The following SH3D19 variants were observed in gnomAD, a reference collection of about 807,000 sequenced individuals.
The protein encoded by SH3D19 is SH3 domain containing 19.
Under a neutral mutation model 112.1 loss-of-function variants are expected in SH3D19, and 58 were observed. That is an observed-to-expected ratio of 0.52 (90% CI 0.42 to 0.64). SH3D19 has a LOEUF of 0.64. Among genes scored for constraint, SH3D19 ranks in the 30% least tolerant of loss-of-function variants. The probability of loss-of-function intolerance (pLI) is 0.00; values close to 1 mark genes in which losing one functional copy is unlikely to be tolerated. For synonymous variants in SH3D19, 391 were observed against 448.5 expected (o/e 0.87, Z 1.62); for missense variants, 1,090 against 1,263.4 (o/e 0.86, Z 2.08).
chr4:151,182,631 T>G (rs1231315087), intron 3 of SH3D19, among the ~76,000 whole-genome samples: 2 of 152,188 alleles, frequency 1.3e-5, no homozygotes, highest in Non-Finnish European at 2.9e-5. Flanking sequence ...TATGAAATCT[T>G]TCTTTTCTCT....
rs1345801073 is a variant in SH3D19, at chr4:151,128,222, T to C, written c.2877A>G (p.Arg959=). The C allele has an allele frequency of 6.2e-7, 1 of 1,613,332 alleles. No individual in the cohort carries two copies. The highest frequency in any genetic ancestry group is 2.2e-5 in the East Asian group (1 of 44,870). ...ERLDSDWCRG[R]LQDREGIFPA... is the part of the protein sequence containing the mutation. ...GGAAGATCCCCTCCCTGTCCTGCAG[T>C]CTGCCCCTGCACCAGTCAGAATCCA... The change falls in exon 18 of 20, where the codon AGA becomes AGG. Residue 959 remains arginine, a synonymous_variant. Transcript: ENST00000604030.
At chr4:151,294,973 G>A (rs1000033835) in intron 1 of SH3D19, among the ~76,000 whole-genome samples, 11 of 152,138 alleles carry the variant, frequency 7.2e-5, no homozygotes, top group African/African-American at 1.9e-4. Context: ...AGGTGCGGTC[G>A]AGTAAACAGC....
chr4:151,257,590 AATCATC>A (rs373590561), intron 1 of SH3D19, among the ~76,000 whole-genome samples: 4 of 151,780 alleles, frequency 2.6e-5, no homozygotes, highest in Non-Finnish European at 4.4e-5. Context: ...TTATGTTATT[AATCATC>A]ATCATCATCA....
intron 1 of SH3D19, among the ~76,000 whole-genome samples, chr4:151,268,039 A>C (rs1772944906): frequency 6.6e-6 from 1 of 152,210 alleles, no homozygotes; most frequent in Non-Finnish European, 1.5e-5. Flanking sequence ...GTCCTGAGAA[A>C]TGTGTCATTA....
intron 1 of SH3D19, among the ~76,000 whole-genome samples, chr4:151,271,674 C>A (rs992815751): frequency 6.6e-6 from 1 of 152,130 alleles, no homozygotes; most frequent in African/African-American, 2.4e-5. Flanking sequence ...CAACATCAAT[C>A]CAAGCCATCA....
At chr4:151,174,610 G>T in intron 7 of SH3D19, 60 bp downstream of exon 7, 1 of 1,442,454 alleles carries the variant, frequency 6.9e-7, no homozygotes. Context: ...AACAGCAAGT[G>T]CCATTTAAAA....
At chr4:151,229,471 C>T (rs773317205) in intron 1 of SH3D19, among the ~76,000 whole-genome samples, 5 of 151,884 alleles carry the variant, frequency 3.3e-5, no homozygotes, top group Non-Finnish European at 7.4e-5. Flanking sequence ...GCTGGGTAAC[C>T]ATGTAATGGT....
rs531602078 is a variant in SH3D19, at chr4:151,229,549, A to G, written c.113-3463T>C. On this transcript the variant is annotated intron_variant, in intron 1 of 19. Transcript: ENST00000604030. Reference sequence around the variant, plus strand: ...CGCTCTTCCATTCCCTGTCCCTCTCATCCATGCCTCATGGTTAATAAGGCT... The same window carrying G: ...CGCTCTTCCATTCCCTGTCCCTCTCGTCCATGCCTCATGGTTAATAAGGCT... Among the ~76,000 whole-genome samples the G allele has an allele frequency of 2.4e-3, 359 of 152,240 alleles. 2 individuals carry two copies. Among genetic ancestry groups the G allele is most frequent in the African/African-American group, 8.4e-3 (348 of 41,550 alleles).
intron 14 of SH3D19, among the ~76,000 whole-genome samples, chr4:151,135,777 T>C (rs1751712930): frequency 6.6e-6 from 1 of 152,104 alleles, no homozygotes. Flanking sequence ...GAGAAGGACT[T>C]AACATAGAAA....
At chr4:151,305,449 G>A (rs747318487) in intron 1 of SH3D19, among the ~76,000 whole-genome samples, 7 of 152,096 alleles carry the variant, frequency 4.6e-5, no homozygotes, top group Non-Finnish European at 1.0e-4. Context: ...ATTTAACAGT[G>A]TCTTTAGCTC....
At chr4:151,181,201 T>C (rs1760885888) in intron 3 of SH3D19, among the ~76,000 whole-genome samples, 1 of 152,220 alleles carries the variant, frequency 6.6e-6, no homozygotes, top group Admixed American at 6.5e-5. Context: ...CCAGTTGCTT[T>C]CATATCTCAG....
intron 1 of SH3D19, among the ~76,000 whole-genome samples, chr4:151,271,496 G>C (rs1773223316): frequency 6.6e-6 from 1 of 152,106 alleles, no homozygotes; most frequent in Admixed American, 6.6e-5. Flanking sequence ...GGATATTTTT[G>C]GTTGTCACAA....
chr4:151,150,206 A>AAATAT lies in SH3D19; in HGVS notation c.1756-646_1756-645insATATT, dbSNP rs1273707426. Among the ~76,000 whole-genome samples the AAATAT allele has an allele frequency of 2.9e-3, 133 of 46,118 alleles. 1 individual carries two copies. The highest frequency in any genetic ancestry group is 3.4e-3 in the Non-Finnish European group (80 of 23,640). 30.3% of individuals were successfully genotyped at this position (46,118 alleles called of 152,430 possible). The stretch of plus-strand genomic sequence containing the variant: ...TCTCAAAAAAAAAAAAAAAAAAAAA[A>AAATAT]ATATATATATATATATATATATACA... On this transcript the variant is annotated intron_variant, in intron 9 of 19. Coordinates refer to ENST00000604030, the MANE Select transcript of SH3D19 (RefSeq NM_001378122.1).
At chr4:151,229,615 C>T (rs759855558) in intron 1 of SH3D19, among the ~76,000 whole-genome samples, 1 of 152,118 alleles carries the variant, frequency 6.6e-6, no homozygotes, top group African/African-American at 2.4e-5. Context: ...AGAACAAAGA[C>T]AGAAAACAAG....
intron 1 of SH3D19, among the ~76,000 whole-genome samples, chr4:151,317,645 G>A (rs1730118866): frequency 1.3e-5 from 2 of 152,200 alleles, no homozygotes; most frequent in African/African-American, 4.8e-5. Context: ...AATTGCTTAT[G>A]TCACAATAAT....
At chr4:151,237,548 C>G (rs1770220182) in intron 1 of SH3D19, among the ~76,000 whole-genome samples, 1 of 131,354 alleles carries the variant, frequency 7.6e-6, no homozygotes, top group African/African-American at 2.7e-5. Flanking sequence ...GAGTTCTTCA[C>G]TACTTATTAC....
At chr4:151,154,184 G>T (rs145851857) in intron 9 of SH3D19, among the ~76,000 whole-genome samples, 2,691 of 148,892 alleles carry the variant, frequency 0.018, 77 homozygotes, top group African/African-American at 0.062. Context: ...CCAGGCTGGA[G>T]TGCAATGGTG....
At chr4:151,214,074 C>T (rs61288954) in intron 2 of SH3D19, among the ~76,000 whole-genome samples, 5,924 of 147,986 alleles carry the variant, frequency 0.04, 207 homozygotes, top group East Asian at 0.19. Flanking sequence ...TGACTCTTAA[C>T]GAGCATGCTG....
intron 1 of SH3D19, among the ~76,000 whole-genome samples, chr4:151,280,147 A>G (rs1275401347): frequency 6.6e-6 from 1 of 152,272 alleles, no homozygotes; most frequent in Non-Finnish European, 1.5e-5. Flanking sequence ...AAAGTTGGAG[A>G]CAGGCACTAT....
Sources: allele counts gnomAD v4.1 joint callset (sites outside exome capture counted in the v4.1 genomes callset), GRCh38; gene constraint gnomAD v4.1.1; transcripts MANE v1.5; gene names NCBI Gene and HGNC (gene_info 2026-07-23, HGNC 2026-07-21).